Variants in RIMKLB observed in about 807,000 individuals in gnomAD.
The protein encoded by RIMKLB is beta-citrylglutamate synthase B.
RIMKLB carries 7 observed loss-of-function variants against 32.0 expected under a neutral mutation model. The observed-to-expected ratio is 0.22, with a 90% CI of 0.12 to 0.41. RIMKLB has a LOEUF of 0.41. Ranked by LOEUF, RIMKLB falls within the 10% of genes least tolerant of loss-of-function variation. RIMKLB has a pLI of 1.00. For synonymous variants in RIMKLB, 172 were observed against 185.1 expected (o/e 0.93, Z 0.57); for missense variants, 289 against 498.7 (o/e 0.58, Z 4.00).
At chr12:8,680,782 C>T (rs1942394786), upstream of RIMKLB, among the ~76,000 whole-genome samples, 1 of 152,120 alleles carries the variant, frequency 6.6e-6, no homozygotes, top group Non-Finnish European at 1.5e-5. Context: ...CCTGAGACAG[C>T]CAGGGACTCT....
intron 5 of RIMKLB, among the ~76,000 whole-genome samples, chr12:8,769,458 C>T (rs753652115): frequency 1.1e-4 from 17 of 152,148 alleles, no homozygotes; most frequent in South Asian, 8.3e-4. Context: ...TTATTCAAAT[C>T]GGACTAGTTT....
intron 2 of RIMKLB, among the ~76,000 whole-genome samples, chr12:8,728,381 G>A (rs1299048470): frequency 6.6e-6 from 1 of 152,154 alleles, no homozygotes; most frequent in Non-Finnish European, 1.5e-5. Context: ...TGTGTGGGGA[G>A]GTAAAGCATC....
chr12:8,777,156 T>A lies in RIMKLB; in HGVS notation c.*3372T>A. ...ATTTGTTTTTGTTGTACTAGGATTT[T>A]AAAAAATGTAATATATTGCAGGATT... On this transcript the variant is annotated 3_prime_UTR_variant, in exon 6 of 6. Coordinates refer to ENST00000535829, the MANE Select transcript of RIMKLB (RefSeq NM_001297776.2). The A allele has an allele frequency of 1.0e-6, 1 of 982,086 alleles. No individual in the cohort carries two copies. Among genetic ancestry groups the A allele is most frequent in the Non-Finnish European group, 1.2e-6 (1 of 828,058 alleles). 60.8% of individuals were successfully genotyped at this position (982,086 alleles called of 1,614,324 possible). A position where few individuals can be genotyped will look rare whatever the true frequency, so the allele number is the denominator to read the frequency against.
the RIMKLB span, among the ~76,000 whole-genome samples, chr12:8,669,707 C>T: frequency 1.3e-5 from 2 of 151,792 alleles, no homozygotes; most frequent in African/African-American, 4.8e-5. Flanking sequence ...GGAGAAGGGA[C>T]AGGACAGAAG....
rs772589127 is a variant in RIMKLB at position 8,776,759 on chromosome 12, C to A, written c.*2975C>A. 6 of 985,180 alleles carry A rather than the reference C, an allele frequency of 6.1e-6. No homozygotes were observed. The East Asian group carries it at 6.8e-4, about 112-fold the overall frequency. The allele number at this position is 985,180 out of a possible 1,614,324, so 61.0% of individuals were successfully genotyped here. A position where few individuals can be genotyped will look rare whatever the true frequency, so the allele number is the denominator to read the frequency against. Reference sequence around the variant, plus strand: ...CATTGAAATCTTCCTGTATATGTTACCAATAAGAAAACTACCCTGGAACAG... The same window carrying A: ...CATTGAAATCTTCCTGTATATGTTAACAATAAGAAAACTACCCTGGAACAG... On this transcript the variant is annotated 3_prime_UTR_variant, in exon 6 of 6. Coordinates refer to ENST00000535829, the MANE Select transcript of RIMKLB (RefSeq NM_001297776.2).
intron 1 of RIMKLB, among the ~76,000 whole-genome samples, chr12:8,703,673 G>C (rs183306669): frequency 5.7e-4 from 86 of 152,208 alleles, no homozygotes; most frequent in Middle Eastern, 3.4e-3. Context: ...TTTTGCTTCA[G>C]ACTCCCAAAG....
At chr12:8,766,103 T>C (rs2908455) in intron 5 of RIMKLB, among the ~76,000 whole-genome samples, 91,239 of 151,522 alleles carry the variant, frequency 0.6, 27,653 homozygotes, top group African/African-American at 0.63. Context: ...TTGGGGGGAA[T>C]GTTTCCCATC....
chr12:8,729,478 G>A (rs1050379329), intron 2 of RIMKLB, among the ~76,000 whole-genome samples: 3 of 152,046 alleles, frequency 2.0e-5, no homozygotes, highest in African/African-American at 7.2e-5. Context: ...AGTCTCCGAC[G>A]TCCAGCTGCT....
Position 8,782,910 on chromosome 12 carries a change from AGGTTCTTTTGAAGTAAC to A in RIMKLB, c.*298-1_*313del, listed in dbSNP as rs929880864. The stretch of plus-strand genomic sequence containing the variant: ...TAAATAAGTTGTGTTTTTCCCCCCT[AGGTTCTTTTGAAGTAAC>A]CAGTGATCTTTTTTGCTTACCCTCA... On this transcript the variant is annotated splice_acceptor_variant and 3_prime_UTR_variant, in exon 8 of 8. Transcript: ENST00000619374. LOFTEE classifies it low-confidence loss of function (3UTR_SPLICE). The A allele has an allele frequency of 6.6e-6, 1 of 152,154 alleles. No homozygotes were observed. Among genetic ancestry groups the A allele is most frequent in the African/African-American group, 2.4e-5 (1 of 41,432 alleles). 9.4% of individuals were successfully genotyped at this position (152,154 alleles called of 1,614,324 possible). A position where few individuals can be genotyped will look rare whatever the true frequency, so the allele number is the denominator to read the frequency against.
chr12:8,757,470 C>CAAAAAAAAAAAAAAAAA lies in RIMKLB; in HGVS notation c.697+3380_697+3396dup, dbSNP rs55670138. Among the ~76,000 whole-genome samples, 227 of 71,360 alleles carry CAAAAAAAAAAAAAAAAA rather than the reference C, an allele frequency of 3.2e-3. 7 individuals carry two copies. Among genetic ancestry groups the CAAAAAAAAAAAAAAAAA allele is most frequent in the African/African-American group, 0.011 (214 of 20,206 alleles). 46.8% of individuals were successfully genotyped at this position (71,360 alleles called of 152,430 possible). On this transcript the variant is annotated intron_variant, in intron 5 of 5. Coordinates refer to ENST00000535829, the MANE Select transcript of RIMKLB (RefSeq NM_001297776.2). Reference sequence around the variant, plus strand: ...TAGGTGACACAGCAAGACCCTGTCTCAAAAAAAAAAAAAAAAAAAGTTGTT... The same window carrying CAAAAAAAAAAAAAAAAA: ...TAGGTGACACAGCAAGACCCTGTCTCAAAAAAAAAAAAAAAAAAAAAAAAAAAAAAAAAAAAGTTGTT...
At chr12:8,669,745 C>T in the RIMKLB span, among the ~76,000 whole-genome samples, 4 of 151,684 alleles carry the variant, frequency 2.6e-5, no homozygotes, top group Admixed American at 6.6e-5. Context: ...AAGAAGGAAT[C>T]GGCTGGGTGC....
the RIMKLB span, among the ~76,000 whole-genome samples, chr12:8,675,935 C>A: frequency 6.6e-6 from 1 of 151,772 alleles, no homozygotes; most frequent in Non-Finnish European, 1.5e-5. Flanking sequence ...TCCCTGACGT[C>A]GTTAAATTTT....
chr12:8,765,795 T>C (rs1435793085), intron 5 of RIMKLB, among the ~76,000 whole-genome samples: 2 of 152,158 alleles, frequency 1.3e-5, no homozygotes, highest in East Asian at 3.9e-4. Flanking sequence ...AGGTAGACTC[T>C]GAGGGCTTCC....
chr12:8,719,360 TTTTTGTTTTG>T (rs1020728640), intron 2 of RIMKLB, among the ~76,000 whole-genome samples: 2 of 152,206 alleles, frequency 1.3e-5, no homozygotes, highest in African/African-American at 2.4e-5. Flanking sequence ...AAGCTGGGTT[TTTTTGTTTTG>T]TTTTGTTTTG....
At chr12:8,742,684 G>A (rs969167550) in intron 2 of RIMKLB, 1 of 222,484 alleles carries the variant, frequency 4.5e-6, no homozygotes, top group Non-Finnish European at 9.0e-6. Flanking sequence ...ATGCTGGCTG[G>A]CAGCCTGTGC....
upstream of RIMKLB, chr12:8,679,717 T>C (rs1470148642): frequency 6.6e-6 from 1 of 152,144 alleles, no homozygotes; most frequent in South Asian, 2.1e-4. Flanking sequence ...CCACGAACAA[T>C]AAGGTCTTGT....
At chr12:8,718,865 C>T (rs1478326810) in intron 2 of RIMKLB, among the ~76,000 whole-genome samples, 2 of 152,150 alleles carry the variant, frequency 1.3e-5, no homozygotes, top group Non-Finnish European at 2.9e-5. Flanking sequence ...GATGAACTGA[C>T]ATGACACATC....
At chr12:8,702,726 A>G (rs1162582488) in intron 1 of RIMKLB, among the ~76,000 whole-genome samples, 1 of 152,192 alleles carries the variant, frequency 6.6e-6, no homozygotes, top group African/African-American at 2.4e-5. Context: ...GAGGCTTTGG[A>G]GTTCTCAGTT....
At chr12:8,758,549 C>G (rs1253006672) in intron 5 of RIMKLB, among the ~76,000 whole-genome samples, 1 of 151,998 alleles carries the variant, frequency 6.6e-6, no homozygotes, top group Admixed American at 6.6e-5. Flanking sequence ...AAAAATTGTC[C>G]CTTTTAATGT....
Sources: gnomAD v4.1 joint callset for allele counts (sites outside exome capture counted in the v4.1 genomes callset) on GRCh38, gnomAD v4.1.1 for gene constraint, MANE v1.5 for transcripts, NCBI Gene and HGNC (gene_info 2026-07-23, HGNC 2026-07-21) for gene names.